Variants in ZIM3 observed in about 807,000 individuals in gnomAD.
ZIM3 encodes zinc finger protein 657.
A neutral mutation model predicts 12.9 loss-of-function variants in ZIM3; 11 were observed. That is an observed-to-expected ratio of 0.85 (90% CI 0.54 to 1.41). The LOEUF is 1.41. Among genes scored for constraint, ZIM3 ranks in the 40% most tolerant of loss-of-function variants. ZIM3 has a pLI of 0.00. For synonymous variants in ZIM3, 205 were observed against 198.5 expected (o/e 1.03, Z -0.28); for missense variants, 604 against 557.2 (o/e 1.08, Z -0.85).
intron 4 of ZIM3, 43 bp downstream of exon 4, chr19:57,136,830 C>T (rs2086889156): frequency 6.4e-7 from 1 of 1,567,064 alleles, no homozygotes; most frequent in South Asian, 1.1e-5. Flanking sequence ...GCTGAATTGG[C>T]TTCCATGCAC....
At chr19:57,143,134 T>C (rs1016716743) in intron 1 of ZIM3, among the ~76,000 whole-genome samples, 1 of 152,124 alleles carries the variant, frequency 6.6e-6, no homozygotes, top group East Asian at 1.9e-4. Flanking sequence ...AAGACCATCC[T>C]GGCCAACACG....
At chr19:57,142,582 T>A (rs202189495) in intron 2 of ZIM3, 47 bp downstream of exon 2, 29 of 1,603,118 alleles carry the variant, frequency 1.8e-5, no homozygotes, top group Admixed American at 1.7e-4. Flanking sequence ...GGAACGTGGG[T>A]CATACGTTTA....
Position 57,138,434 on chromosome 19 carries a change from T to C in ZIM3, c.142+38A>G. The C allele has an allele frequency of 4.3e-6, 7 of 1,613,810 alleles. No individual in the cohort carries two copies. The South Asian group carries it at 7.7e-5, about 18-fold the overall frequency. On this transcript the variant is annotated intron_variant, in intron 3 of 4. Transcript: ENST00000269834. The stretch of plus-strand genomic sequence containing the variant: ...TGGGGTGTCTGTGTGTTTCACGCCT[T>C]AGGTTTTGAGTCCCCCTGCCCGGGA...
Position 57,135,052 on chromosome 19 carries a change from T to G in ZIM3, c.1285A>C (p.Ile429Leu). The change falls in exon 5 of 5, where the codon ATC becomes CTC. Residue 429 changes from isoleucine to leucine, a missense_variant. Coordinates refer to ENST00000269834, the MANE Select transcript of ZIM3 (RefSeq NM_052882.1). ...YRCSECGKTF[I>L]RKLNLSLHKK... is the part of the protein sequence containing the mutation. The stretch of plus-strand genomic sequence containing the variant: ...TGCAAACTAAGGTTTAATTTCCGGA[T>G]GAAGGTTTTTCCACATTCACTACAT... The G allele has an allele frequency of 1.2e-6, 2 of 1,614,188 alleles. No individual in the cohort carries two copies. The highest frequency in any genetic ancestry group is 2.2e-5 in the South Asian group (2 of 91,084).
chr19:57,141,398 C>CAAAA (rs66633580), intron 2 of ZIM3, among the ~76,000 whole-genome samples: 5 of 105,448 alleles, frequency 4.7e-5, no homozygotes, highest in African/African-American at 1.8e-4. Context: ...GAGACTGTCT[C>CAAAA]AAAAAAAAAA....
rs2086884108 is a variant in ZIM3, at chr19:57,135,842, T to C, written c.495A>G (p.Gln165=). The change falls in exon 5 of 5, where the codon CAA becomes CAG. Residue 165 remains glutamine (Q), a synonymous_variant. Coordinates refer to ENST00000269834, the MANE Select transcript of ZIM3 (RefSeq NM_052882.1). ...TTCTACAGGCATTACATTTCAGTTG[T>C]TGTCCTACAAATTTGGATGGATTAT... ...VGNNPSKFVG[Q]QLKCNACRKL... 1.2e-6 allele frequency: 2 copies of C among 1,614,034 alleles called. No individual in the cohort carries two copies. The highest frequency in any genetic ancestry group is 3.3e-5 in the Admixed American group (2 of 59,996).
rs554476323 is a variant in ZIM3, at chr19:57,137,075, T to C, written c.143-104A>G. 51 of 1,037,770 alleles carry C rather than the reference T, an allele frequency of 4.9e-5. No homozygotes were observed. The African/African-American group carries it at 7.0e-4, about 14-fold the overall frequency. The allele number at this position is 1,037,770 out of a possible 1,614,324, so 64.3% of individuals were successfully genotyped here. A position where few individuals can be genotyped will look rare whatever the true frequency, so the allele number is the denominator to read the frequency against. ...GCTTGCGTATGCTTGTGTGAATATT[T>C]GTGTGTGAGTGTGAGCATTTATATG... On this transcript the variant is annotated intron_variant, in intron 3 of 4. Coordinates refer to ENST00000269834, the MANE Select transcript of ZIM3 (RefSeq NM_052882.1).
At chr19:57,143,543 A>C (rs1038059481) in intron 1 of ZIM3, among the ~76,000 whole-genome samples, 4 of 152,104 alleles carry the variant, frequency 2.6e-5, no homozygotes, top group Non-Finnish European at 4.4e-5. Context: ...CAGCTTTGCC[A>C]TAAGCGGGAC....
chr19:57,137,919 GAAA>G (rs2086894920), intron 3 of ZIM3, among the ~76,000 whole-genome samples: 1 of 44,636 alleles, frequency 2.2e-5, no homozygotes, highest in Non-Finnish European at 4.3e-5. Flanking sequence ...AGGAAGGAAG[GAAA>G]GAAGGAAGGA....
At chr19:57,139,000 G>A (rs1195770800) in intron 2 of ZIM3, among the ~76,000 whole-genome samples, 1 of 152,008 alleles carries the variant, frequency 6.6e-6, no homozygotes, top group African/African-American at 2.4e-5. Flanking sequence ...AGGCTAGCTG[G>A]GGAACATAGC....
intron 2 of ZIM3, 108 bp from the exon 3 acceptor site, chr19:57,138,706 C>T (rs2086901085): frequency 2.2e-6 from 3 of 1,388,612 alleles, no homozygotes; most frequent in African/African-American, 1.4e-5. Context: ...CCATAATTCA[C>T]TCTACTCTGG....
chr19:57,138,471 C>T lies in ZIM3; in HGVS notation c.142+1G>A, dbSNP rs2086899779. 6.2e-7 allele frequency: 1 copy of T among 1,614,156 alleles called. No homozygotes were observed. On this transcript the variant is annotated splice_donor_variant, in intron 3 of 4. Transcript: ENST00000269834. LOFTEE classifies it high-confidence loss of function. ...CCCCCTGCCCGGGAAGCCGTCCTTA[C>T]CCACAGAGACAAGGTTGCTGTAATT...
chr19:57,136,570 A>C (rs1042774325), intron 4 of ZIM3, among the ~76,000 whole-genome samples: 4 of 151,534 alleles, frequency 2.6e-5, no homozygotes. Context: ...AGGCTGAGGC[A>C]GGAGAATCGT....
chr19:57,140,307 G>A (rs907438307), intron 2 of ZIM3, among the ~76,000 whole-genome samples: 1 of 151,996 alleles, frequency 6.6e-6, no homozygotes, highest in Non-Finnish European at 1.5e-5. Flanking sequence ...CTCCTGAGCA[G>A]CTGGGATTAC....
chr19:57,143,728 T>G lies in ZIM3; in HGVS notation c.-42-1043A>C, dbSNP rs1051613705. Among the ~76,000 whole-genome samples, 10 of 148,906 alleles carry G rather than the reference T, an allele frequency of 6.7e-5. No individual in the cohort carries two copies. The East Asian group carries it at 1.0e-3, about 15-fold the overall frequency. On this transcript the variant is annotated intron_variant, in intron 1 of 4. Coordinates refer to ENST00000269834, the MANE Select transcript of ZIM3 (RefSeq NM_052882.1). ...TCTTGCTCTGTCGCCCAGGCTGGAG[T>G]GCAGTGGCACAGTCTCGGCTCACTG... is the stretch of plus-strand genomic sequence containing the variant.
At position 57,135,953 on chromosome 19, in the gene ZIM3, T is replaced by C; in HGVS notation, c.384A>G (p.Pro128=). ...VECDGSKKIL[P]LGIDDVSSLQ... is the part of the protein sequence containing the mutation. ...AGGAAGATACATCATCTATGCCCAG[T>C]GGAAGTATTTTCTTAGATCCGTCAC... The change falls in exon 5 of 5, where the codon CCA becomes CCG. Residue 128 remains proline (P), a synonymous_variant. Coordinates refer to ENST00000269834, the MANE Select transcript of ZIM3 (RefSeq NM_052882.1). 15 of 1,614,144 alleles carry C rather than the reference T, an allele frequency of 9.3e-6. No individual in the cohort carries two copies. Among genetic ancestry groups the C allele is most frequent in the Non-Finnish European group, 1.2e-5 (14 of 1,180,040 alleles).
intron 1 of ZIM3, among the ~76,000 whole-genome samples, chr19:57,143,234 G>A (rs1451081630): frequency 6.6e-6 from 1 of 152,002 alleles, no homozygotes; most frequent in African/African-American, 2.4e-5. Flanking sequence ...GGGAGGCTGA[G>A]GCAGGAGAAT....
At position 57,136,915 on chromosome 19, in the gene ZIM3, G is replaced by A; in HGVS notation, c.199C>T (p.Pro67Ser). 1 of 1,614,110 alleles carries A rather than the reference G, an allele frequency of 6.2e-7. No individual in the cohort carries two copies. The highest frequency in any genetic ancestry group is 1.1e-5 in the South Asian group (1 of 91,074). Residue 67 changes from proline to serine, a missense_variant, in exon 4 of 5, where the codon CCA becomes TCA. Pro to Ser is a moderately conservative substitution (Grantham distance 74). Coordinates refer to ENST00000269834, the MANE Select transcript of ZIM3 (RefSeq NM_052882.1). ...VILRLEQGKE[P>S]WLEEEEVLGS... ...AGCACTTCCTCTTCCTCCAACCATG[G>A]CTCCTTTCCTTGTTCCAACCTCAAG...
At chr19:57,136,137 A>G in intron 4 of ZIM3, 42 bp from the exon 5 acceptor site, 1 of 1,517,452 alleles carries the variant, frequency 6.6e-7, no homozygotes, top group Non-Finnish European at 9.0e-7. Flanking sequence ...AAAACGTTCC[A>G]CTCACATGCT....
Sources: allele counts gnomAD v4.1 joint callset (sites outside exome capture counted in the v4.1 genomes callset), GRCh38; gene constraint gnomAD v4.1.1; transcripts MANE v1.5; gene names NCBI Gene and HGNC (gene_info 2026-07-23, HGNC 2026-07-21).